The following LPP variants were observed in gnomAD, a reference collection of about 807,000 sequenced individuals.
LPP encodes the protein lipoma-preferred partner.
In LPP, 38 loss-of-function variants were observed where a neutral mutation model predicts 60.4. That is an observed-to-expected ratio of 0.63 (90% confidence interval 0.49 to 0.83). The LOEUF is 0.83. LPP is among the 40% of genes least tolerant of loss of function. The probability of loss-of-function intolerance (pLI) is 0.00; values close to 1 mark genes in which losing one functional copy is unlikely to be tolerated. For missense variants in LPP, 902 were observed against 783.6 expected (o/e 1.15, Z -1.80); for synonymous variants, 328 against 290.8 (o/e 1.13, Z -1.30).
At chr3:188,812,708 CT>C (rs1421367700) in intron 9 of LPP, among the ~76,000 whole-genome samples, 2 of 151,910 alleles carry the variant, frequency 1.3e-5, no homozygotes, top group Non-Finnish European at 2.9e-5. Flanking sequence ...ACATTTTTCC[CT>C]CATTCCTGGG....
intron 3 of LPP, among the ~76,000 whole-genome samples, chr3:188,394,993 A>G (rs577936390): frequency 2.0e-5 from 3 of 152,322 alleles, no homozygotes; most frequent in Admixed American, 1.3e-4. Context: ...CATTTCAAAT[A>G]CTGAGAAATA....
chr3:188,532,224 T>A (rs1822369022), intron 6 of LPP, among the ~76,000 whole-genome samples: 1 of 152,014 alleles, frequency 6.6e-6, no homozygotes, highest in African/African-American at 2.4e-5. Context: ...CTGGTAAACA[T>A]GGCGAAACCC....
intron 2 of LPP, among the ~76,000 whole-genome samples, chr3:188,318,157 A>G (rs1381785688): frequency 6.6e-6 from 1 of 152,230 alleles, no homozygotes; most frequent in East Asian, 1.9e-4. Flanking sequence ...TGCATCGTGC[A>G]GTTTAATTTA....
intron 3 of LPP, among the ~76,000 whole-genome samples, chr3:188,394,906 G>A (rs1330491380): frequency 1.3e-5 from 2 of 152,164 alleles, no homozygotes; most frequent in East Asian, 1.9e-4. Flanking sequence ...GCTTCCAATC[G>A]TTTTGCTATT....
intron 8 of LPP, among the ~76,000 whole-genome samples, chr3:188,718,100 G>A (rs1286413108): frequency 6.6e-6 from 1 of 152,170 alleles, no homozygotes; most frequent in Non-Finnish European, 1.5e-5. Flanking sequence ...GGGATTACAG[G>A]CGTGAGCCAC....
At position 188,785,547 on chromosome 3, in the gene LPP, T is replaced by TATATATATATATACACACACACACAC. The variant is rs1206082559; in HGVS notation, c.1410+25266_1410+25267insTATATATATATACACACACACACACA. On this transcript the variant is annotated intron_variant, in intron 9 of 11. Transcript: ENST00000617246. ...ATATATATTCCATCATATATATATATACACACACACACACACACACACACA... is the reference window on the plus strand; with the variant it reads ...ATATATATTCCATCATATATATATATATATATATATATACACACACACACACACACACACACACACACACACACACA... Among the ~76,000 whole-genome samples the TATATATATATATACACACACACACAC allele has an allele frequency of 2.7e-4, 12 of 43,830 alleles. 1 individual carries two copies. Among genetic ancestry groups the TATATATATATATACACACACACACAC allele is most frequent in the Non-Finnish European group, 4.5e-4 (11 of 24,584 alleles). The allele number at this position is 43,830 out of a possible 152,430, so 28.8% of individuals were successfully genotyped here.
At chr3:188,338,913 A>T (rs1204962027) in intron 2 of LPP, among the ~76,000 whole-genome samples, 2 of 152,198 alleles carry the variant, frequency 1.3e-5, no homozygotes, top group African/African-American at 4.8e-5. Context: ...TGGTTTGTGA[A>T]AAACCCATTG....
Position 188,888,270 on chromosome 3 carries a change from T to C in LPP, c.*13791T>C, listed in dbSNP as rs576176959. Reference sequence around the variant, plus strand: ...ACAAAAAAGGAAAGGGAAAGGACTTTCTAAGTAGCAAATCTGTGCCATGAA... The same window carrying C: ...ACAAAAAAGGAAAGGGAAAGGACTTCCTAAGTAGCAAATCTGTGCCATGAA... On this transcript the variant is annotated 3_prime_UTR_variant, in exon 12 of 12. Transcript: ENST00000617246. 1.3e-5 allele frequency: 3 copies of C among 225,428 alleles called. No homozygotes were observed. Among genetic ancestry groups the C allele is most frequent in the South Asian group, 1.8e-4 (1 of 5,452 alleles). The allele number at this position is 225,428 out of a possible 1,614,324, so 14.0% of individuals were successfully genotyped here. A position where few individuals can be genotyped will look rare whatever the true frequency, so the allele number is the denominator to read the frequency against.
At chr3:188,781,831 G>A (rs1481037410) in intron 9 of LPP, among the ~76,000 whole-genome samples, 5 of 150,184 alleles carry the variant, frequency 3.3e-5, no homozygotes, top group Admixed American at 3.3e-4. Flanking sequence ...GGCGGACGTT[G>A]CAGTGAGCTG....
intron 9 of LPP, among the ~76,000 whole-genome samples, chr3:188,767,874 CCT>C (rs1734651173): frequency 6.6e-6 from 1 of 151,946 alleles, no homozygotes; most frequent in Admixed American, 6.6e-5. Flanking sequence ...AGAAAATCAA[CCT>C]TAAAGAAATC....
intron 2 of LPP, among the ~76,000 whole-genome samples, chr3:188,294,056 C>CAAAAA (rs61312510): frequency 2.5e-5 from 1 of 39,418 alleles, no homozygotes; most frequent in Non-Finnish European, 4.8e-5. Context: ...CAAACTCTGT[C>CAAAAA]AAAAAAAAAA....
intron 8 of LPP, among the ~76,000 whole-genome samples, chr3:188,749,133 G>A (rs1163657888): frequency 6.6e-6 from 1 of 152,144 alleles, no homozygotes; most frequent in African/African-American, 2.4e-5. Context: ...AGTGTCCCAC[G>A]CAATACTCCT....
chr3:188,770,044 A>T (rs1360013246), intron 9 of LPP, among the ~76,000 whole-genome samples: 1 of 152,078 alleles, frequency 6.6e-6, no homozygotes, highest in Non-Finnish European at 1.5e-5. Context: ...CCCATTAGTT[A>T]TACACTTCAT....
At chr3:188,676,351 T>C (rs1858092041) in intron 7 of LPP, among the ~76,000 whole-genome samples, 6 of 152,162 alleles carry the variant, frequency 3.9e-5, no homozygotes, top group Admixed American at 2.0e-4. Context: ...AATAGTCTAC[T>C]CCGTGTCGCC....
At chr3:188,253,548 C>T (rs998859398) in intron 2 of LPP, among the ~76,000 whole-genome samples, 2 of 152,092 alleles carry the variant, frequency 1.3e-5, no homozygotes, top group African/African-American at 4.8e-5. Context: ...TTAACCTACA[C>T]CATGACTAGG....
At chr3:188,586,787 GC>G in intron 6 of LPP, among the ~76,000 whole-genome samples, 1 of 150,292 alleles carries the variant, frequency 6.7e-6, no homozygotes, top group Non-Finnish European at 1.5e-5. Context: ...GAGTGCAGTG[GC>G]CCGATCTTGG....
chr3:188,675,856 G>A (rs140943650), intron 7 of LPP, among the ~76,000 whole-genome samples: 2,546 of 152,220 alleles, frequency 0.017, 36 homozygotes, highest in South Asian at 0.088. Context: ...GTTATAGAAA[G>A]CACCCAGGAA....
intron 4 of LPP, among the ~76,000 whole-genome samples, chr3:188,437,085 C>T (rs555655002): frequency 2.0e-5 from 3 of 152,232 alleles, no homozygotes; most frequent in African/African-American, 7.2e-5. Context: ...AGAACCATAC[C>T]TTATTTAGCC....
At chr3:188,276,683 CTCTCTCTCTCTT>C (rs1214160953) in intron 2 of LPP, among the ~76,000 whole-genome samples, 572 of 16,266 alleles carry the variant, frequency 0.035, 13 homozygotes, top group African/African-American at 0.28. Context: ...CTCTCTCTCT[CTCTCTCTCTCTT>C]TCTCTCTCTC....
Sources: allele counts gnomAD v4.1 joint callset (sites outside exome capture counted in the v4.1 genomes callset), GRCh38; gene constraint gnomAD v4.1.1; transcripts MANE v1.5; gene names NCBI Gene and HGNC (gene_info 2026-07-23, HGNC 2026-07-21).